The following PCDH9 variants were observed in gnomAD, a reference collection of about 807,000 sequenced individuals.
The protein encoded by PCDH9 is protocadherin 9.
A neutral mutation model predicts 70.6 loss-of-function variants in PCDH9; 24 were observed. That is an observed-to-expected ratio of 0.34 (90% CI 0.25 to 0.48). PCDH9 has a LOEUF of 0.48. Ranked by LOEUF, PCDH9 falls within the 20% of genes least tolerant of loss-of-function variation. The probability of loss-of-function intolerance (pLI) is 0.99; values close to 1 mark genes in which losing one functional copy is unlikely to be tolerated. For missense variants in PCDH9, 1,281 were observed against 1,503.6 expected, an observed-to-expected ratio of 0.85 and a Z score of 2.45; for synonymous variants, 562 against 558.5, an observed-to-expected ratio of 1.01 and a Z score of -0.09.
chr13:67,022,254 C>A (rs2084692254), intron 2 of PCDH9, among the ~76,000 whole-genome samples: 1 of 150,980 alleles, frequency 6.6e-6, no homozygotes, highest in Admixed American at 6.6e-5. Context: ...TCCCGAGTAG[C>A]TGCGGTTACA....
chr13:66,691,787 A>C (rs950767325), intron 3 of PCDH9, among the ~76,000 whole-genome samples: 2 of 152,192 alleles, frequency 1.3e-5, no homozygotes, highest in Non-Finnish European at 2.9e-5. Context: ...ATTGAATACC[A>C]AAAATATTAC....
intron 3 of PCDH9, among the ~76,000 whole-genome samples, chr13:66,648,456 C>T (rs751911498): frequency 6.6e-6 from 1 of 152,208 alleles, no homozygotes; most frequent in Non-Finnish European, 1.5e-5. Context: ...TCGTAGACCA[C>T]CAAGGTGGTA....
At chr13:66,964,419 C>T (rs1261670103) in intron 2 of PCDH9, among the ~76,000 whole-genome samples, 3 of 151,832 alleles carry the variant, frequency 2.0e-5, no homozygotes, top group African/African-American at 7.3e-5. Context: ...AGAAATTCTA[C>T]CCCTATGACC....
intron 3 of PCDH9, among the ~76,000 whole-genome samples, chr13:66,713,621 G>GTATATATA (rs1415001060): frequency 2.8e-3 from 48 of 16,902 alleles, no homozygotes; most frequent in African/African-American, 5.6e-3. Context: ...AAGTGTGTGT[G>GTATATATA]TGTGTATATA....
chr13:67,000,188 T>C (rs2084210283), intron 2 of PCDH9, among the ~76,000 whole-genome samples: 1 of 152,032 alleles, frequency 6.6e-6, no homozygotes, highest in Non-Finnish European at 1.5e-5. Flanking sequence ...TGTAGGGACA[T>C]GGATGAAATT....
At chr13:66,783,442 A>G (rs1190900796) in intron 3 of PCDH9, among the ~76,000 whole-genome samples, 1 of 152,144 alleles carries the variant, frequency 6.6e-6, no homozygotes, top group East Asian at 1.9e-4. Flanking sequence ...CCAAAGTATA[A>G]GCAGAATAGT....
chr13:66,589,246 A>G (rs980444611), intron 4 of PCDH9, among the ~76,000 whole-genome samples: 1 of 152,084 alleles, frequency 6.6e-6, no homozygotes, highest in Admixed American at 6.6e-5. Context: ...GAAAGCAATC[A>G]TCTCTGAGAG....
intron 4 of PCDH9, among the ~76,000 whole-genome samples, chr13:66,312,861 T>C (rs1955587247): frequency 6.6e-6 from 1 of 152,196 alleles, no homozygotes; most frequent in Admixed American, 6.5e-5. Context: ...ACATTTCTCA[T>C]ACAGATTTCT....
At chr13:66,635,816 G>T (rs142568098) in intron 3 of PCDH9, among the ~76,000 whole-genome samples, 6 of 152,168 alleles carry the variant, frequency 3.9e-5, no homozygotes, top group Non-Finnish European at 8.8e-5. Context: ...ATTCCTATGT[G>T]CAAGGATTTG....
At chr13:66,994,456 C>CGGGG (rs920602515) in intron 2 of PCDH9, among the ~76,000 whole-genome samples, 2 of 152,074 alleles carry the variant, frequency 1.3e-5, no homozygotes, top group African/African-American at 4.8e-5. Flanking sequence ...GAGACTAGCC[C>CGGGG]GGGGAATCAC....
At chr13:66,492,167 A>T (rs1277796039) in intron 4 of PCDH9, among the ~76,000 whole-genome samples, 25 of 152,100 alleles carry the variant, frequency 1.6e-4, no homozygotes, top group Admixed American at 1.6e-3. Flanking sequence ...CTACTTTTTC[A>T]TGATTTATAT....
intron 3 of PCDH9, among the ~76,000 whole-genome samples, chr13:66,814,053 A>G (rs1408615123): frequency 1.3e-5 from 2 of 152,226 alleles, no homozygotes; most frequent in Non-Finnish European, 2.9e-5. Flanking sequence ...TACAAATGCC[A>G]CTACATTTTA....
chr13:67,084,824 G>T (rs1459994796), intron 2 of PCDH9, among the ~76,000 whole-genome samples: 1 of 150,616 alleles, frequency 6.6e-6, no homozygotes, highest in Admixed American at 6.6e-5. Flanking sequence ...AAAATTAGCT[G>T]GGCGTGGTGG....
intron 3 of PCDH9, among the ~76,000 whole-genome samples, chr13:66,752,839 G>A (rs967317500): frequency 4.6e-5 from 7 of 152,150 alleles, no homozygotes; most frequent in African/African-American, 1.7e-4. Flanking sequence ...AGAAATAGGG[G>A]TTAACCTTTC....
intron 2 of PCDH9, among the ~76,000 whole-genome samples, chr13:67,132,082 T>A (rs1352411038): frequency 1.3e-5 from 2 of 152,160 alleles, no homozygotes; most frequent in African/African-American, 2.4e-5. Context: ...AAGTGTCTAG[T>A]CTGGCTTAAT....
intron 2 of PCDH9, among the ~76,000 whole-genome samples, chr13:67,003,070 G>C (rs1304661257): frequency 1.3e-5 from 2 of 151,866 alleles, no homozygotes; most frequent in African/African-American, 2.4e-5. Context: ...AAACCACCTT[G>C]ACCTTTACCA....
intron 3 of PCDH9, among the ~76,000 whole-genome samples, chr13:66,901,515 A>T (rs2139594045): frequency 6.6e-6 from 1 of 151,866 alleles, no homozygotes; most frequent in African/African-American, 2.4e-5. Flanking sequence ...TTAAATGAGA[A>T]TTTACGGAAT....
chr13:67,084,458 G>A (rs913997168), intron 2 of PCDH9, among the ~76,000 whole-genome samples: 3 of 152,020 alleles, frequency 2.0e-5, no homozygotes, highest in African/African-American at 4.8e-5. Flanking sequence ...GTAAGTCCCC[G>A]CTTCAAGATA....
chr13:66,929,030 G>A (rs960581753), intron 2 of PCDH9, among the ~76,000 whole-genome samples: 1 of 152,064 alleles, frequency 6.6e-6, no homozygotes. Context: ...GAATGCATAT[G>A]TTACAGGAAA....
Sources: gnomAD v4.1 joint callset for allele counts (sites outside exome capture counted in the v4.1 genomes callset) on GRCh38, gnomAD v4.1.1 for gene constraint, MANE v1.5 for transcripts, NCBI Gene and HGNC (gene_info 2026-07-23, HGNC 2026-07-21) for gene names.